Variants in EFEMP1 observed in about 807,000 individuals in gnomAD.
The protein encoded by EFEMP1 is EGF-containing fibulin-like extracellular matrix protein 1.
Under a neutral mutation model 65.7 loss-of-function variants are expected in EFEMP1, and 18 were observed. The ratio of observed to expected loss-of-function variants is 0.27; its 90% CI spans 0.19 to 0.41. The LOEUF is 0.41. Among genes scored for constraint, EFEMP1 ranks in the 10% least tolerant of loss-of-function variants. EFEMP1 has a pLI of 1.00. For synonymous variants in EFEMP1, 237 were observed against 219.7 expected (o/e 1.08, Z -0.70); for missense variants, 469 against 624.8 (o/e 0.75, Z 2.66).
In EFEMP1 at chr2:55,922,255, CCTCAGCAGAGTATA is replaced by C; in HGVS notation, c.81+91_81+104del. On this transcript the variant is annotated intron_variant, in intron 3 of 11. Coordinates refer to ENST00000355426, the MANE Select transcript of EFEMP1 (RefSeq NM_001039348.3). This position sits in a 1 kb window ranked among gnomAD's most constrained non-coding sequence, Gnocchi z 5.5. ...AATGAAGTGTTGTTTAATTTATCAC[CCTCAGCAGAGTATA>C]GCCCAAATACACTGGCAGGGGTGTG... 9.6e-7 allele frequency: 1 copy of C among 1,037,298 alleles called. No homozygotes were observed. The highest frequency in any genetic ancestry group is 1.5e-6 in the Non-Finnish European group (1 of 663,286). The allele number at this position is 1,037,298 out of a possible 1,614,324, so 64.3% of individuals were successfully genotyped here. A position where few individuals can be genotyped will look rare whatever the true frequency, so the allele number is the denominator to read the frequency against.
intron 4 of EFEMP1, 62 bp from the exon 5 acceptor site, chr2:55,918,113 AT>A (rs1213688656): frequency 1.9e-6 from 3 of 1,613,374 alleles, no homozygotes; most frequent in Non-Finnish European, 2.5e-6. Context: ...ACATGTAAAT[AT>A]AATGCTCATG....
Position 55,871,640 on chromosome 2 carries a change from G to A in EFEMP1, c.1001-517C>T, listed in dbSNP as rs1668814196. Among the ~76,000 whole-genome samples, 1 of 152,008 alleles carries A rather than the reference G, an allele frequency of 6.6e-6. No individual in the cohort carries two copies. Among genetic ancestry groups the A allele is most frequent in the Non-Finnish European group, 1.5e-5 (1 of 67,986 alleles). On this transcript the variant is annotated intron_variant, in intron 9 of 11. Coordinates refer to ENST00000355426, the MANE Select transcript of EFEMP1 (RefSeq NM_001039348.3). This position sits in a 1 kb window ranked among gnomAD's most constrained non-coding sequence, Gnocchi z 4.2. ...GGTTAGATGGAGTTTTCATGGCTGG[G>A]GCAGGGAAGGCTTTCCAAGCTGAGA...
At position 55,877,134 on chromosome 2, in the gene EFEMP1, CTG is replaced by C. The variant is rs1353468137; in HGVS notation, c.761-394_761-393del. Among the ~76,000 whole-genome samples the C allele has an allele frequency of 6.6e-6, 1 of 152,120 alleles. No homozygotes were observed. The highest frequency in any genetic ancestry group is 6.6e-5 in the Admixed American group (1 of 15,248). ...AAATAATTGATATAAGACACTTATA[CTG>C]ATATGGTCTCTCAGCATGCTGTACT... On this transcript the variant is annotated intron_variant, in intron 7 of 11. Coordinates refer to ENST00000355426, the MANE Select transcript of EFEMP1 (RefSeq NM_001039348.3). This position sits in a 1 kb window ranked among gnomAD's most constrained non-coding sequence, Gnocchi z 4.5.
At chr2:55,907,824 A>G (rs1036887938) in intron 5 of EFEMP1, among the ~76,000 whole-genome samples, 5 of 152,362 alleles carry the variant, frequency 3.3e-5, no homozygotes, top group Admixed American at 2.0e-4. Context: ...AAGGCTGTTT[A>G]GAGTGAAAAC....
intron 5 of EFEMP1, among the ~76,000 whole-genome samples, chr2:55,909,205 T>G (rs952414132): frequency 2.0e-5 from 3 of 152,190 alleles, no homozygotes; most frequent in Non-Finnish European, 2.9e-5. Flanking sequence ...TAAGTCTGAG[T>G]TCTCCTATGA....
At chr2:55,897,345 G>T (rs1200923679) in intron 5 of EFEMP1, among the ~76,000 whole-genome samples, 1 of 151,912 alleles carries the variant, frequency 6.6e-6, no homozygotes, top group East Asian at 1.9e-4. Flanking sequence ...AACTAACAAA[G>T]CAATATCAAT....
At chr2:55,920,671 T>C (rs1251638141) in intron 3 of EFEMP1, among the ~76,000 whole-genome samples, 1 of 152,256 alleles carries the variant, frequency 6.6e-6, no homozygotes, top group East Asian at 1.9e-4. Flanking sequence ...AGTGTACTAT[T>C]AAGTAAGCCT....
chr2:55,919,171 T>G lies in EFEMP1; in HGVS notation c.82-904A>C, dbSNP rs1670821400. Among the ~76,000 whole-genome samples the G allele has an allele frequency of 6.6e-6, 1 of 152,074 alleles. No homozygotes were observed. The highest frequency in any genetic ancestry group is 2.4e-5 in the African/African-American group (1 of 41,390). On this transcript the variant is annotated intron_variant, in intron 3 of 11. Transcript: ENST00000355426. This position sits in a 1 kb window ranked among gnomAD's most constrained non-coding sequence, Gnocchi z 4.5. ...CTATTGTGACAAAGGCATAAAATTT[T>G]TGAAAAGGGAAGGAGCTGCAAGGAG...
Position 55,867,385 on chromosome 2 carries a change from C to G in EFEMP1, c.1321-151G>C. ...ACTTGGTCCCTTCTTGGTTTCAACT[C>G]TTCTTGGCTCTTATCCCTTGTCTAA... On this transcript the variant is annotated intron_variant, in intron 11 of 11. Transcript: ENST00000355426. The surrounding 1 kb of genome is among the most constrained non-coding windows in gnomAD (Gnocchi z 4.3). The G allele has an allele frequency of 1.3e-6, 1 of 756,794 alleles. No individual in the cohort carries two copies. Among genetic ancestry groups the G allele is most frequent in the East Asian group, 2.8e-5 (1 of 36,274 alleles). 46.9% of individuals were successfully genotyped at this position (756,794 alleles called of 1,614,324 possible).
intron 5 of EFEMP1, among the ~76,000 whole-genome samples, chr2:55,905,876 G>T (rs1311048031): frequency 6.6e-6 from 1 of 152,156 alleles, no homozygotes; most frequent in Non-Finnish European, 1.5e-5. Flanking sequence ...TCCATTTGGT[G>T]TATTAACCTT....
At chr2:55,882,611 T>C (rs1456958181) in intron 5 of EFEMP1, among the ~76,000 whole-genome samples, 1 of 152,190 alleles carries the variant, frequency 6.6e-6, no homozygotes. Context: ...TTTTGCCTTA[T>C]CTGTATCACT....
Position 55,922,567 on chromosome 2 carries a change from CAACTT to C in EFEMP1, c.-7-125_-7-121del, listed in dbSNP as rs989579744. On this transcript the variant is annotated intron_variant, in intron 2 of 11. Transcript: ENST00000355426. The surrounding 1 kb of genome is among the most constrained non-coding windows in gnomAD (Gnocchi z 5.5). ...GGAGAGGCTGAGGCTCCACCATACTCAACTTCCAATCTGCTTTCTCATCTCCCCTC... is the reference window on the plus strand; with the variant it reads ...GGAGAGGCTGAGGCTCCACCATACTCCCAATCTGCTTTCTCATCTCCCCTC... 3.4e-5 allele frequency: 31 copies of C among 905,732 alleles called. No homozygotes were observed. The Admixed American group carries it at 3.8e-4, about 11-fold the overall frequency. The allele number at this position is 905,732 out of a possible 1,614,324, so 56.1% of individuals were successfully genotyped here.
At chr2:55,875,125 GATATAT>G in intron 8 of EFEMP1, 60 bp from the exon 9 acceptor site, 6 of 778,856 alleles carry the variant, frequency 7.7e-6, no homozygotes, top group Non-Finnish European at 1.1e-5. Flanking sequence ...CACTACTTTG[GATATAT>G]ATATATATAT....
In EFEMP1 at chr2:55,870,675, A is replaced by C; in HGVS notation, c.1320+45T>G. On this transcript the variant is annotated intron_variant, in intron 11 of 11. Transcript: ENST00000355426. The surrounding 1 kb of genome is among the most constrained non-coding windows in gnomAD (Gnocchi z 5.8). ...ACAACAACAACAACAACAACAACAAACTCCCATCTTTCTCAATAGTTAAGG... is the reference window on the plus strand; with the variant it reads ...ACAACAACAACAACAACAACAACAACCTCCCATCTTTCTCAATAGTTAAGG... The C allele has an allele frequency of 6.3e-7, 1 of 1,592,986 alleles. No individual in the cohort carries two copies. The highest frequency in any genetic ancestry group is 8.6e-7 in the Non-Finnish European group (1 of 1,163,106).
rs1021762505 is a variant in EFEMP1 at position 55,873,634 on chromosome 2, A to G, written c.1000+1312T>C. On this transcript the variant is annotated intron_variant, in intron 9 of 11. Coordinates refer to ENST00000355426, the MANE Select transcript of EFEMP1 (RefSeq NM_001039348.3). The surrounding 1 kb of genome is among the most constrained non-coding windows in gnomAD (Gnocchi z 4.6). ...CAGTAAGTAAAATCATTGGAATGCAATGTTTTCCCATAATTAACATTTATA... is the reference window on the plus strand; with the variant it reads ...CAGTAAGTAAAATCATTGGAATGCAGTGTTTTCCCATAATTAACATTTATA... 2.0e-5 allele frequency among the ~76,000 whole-genome samples: 3 copies of G among 152,020 alleles called. No homozygotes were observed. The highest frequency in any genetic ancestry group is 3.9e-4 in the East Asian group (2 of 5,192).
intron 5 of EFEMP1, among the ~76,000 whole-genome samples, chr2:55,895,148 A>G (rs1199420886): frequency 6.6e-6 from 1 of 152,168 alleles, no homozygotes; most frequent in Non-Finnish European, 1.5e-5. Flanking sequence ...TGTCCCTGCC[A>G]TCTTCACCTT....
chr2:55,907,675 A>C (rs1670332268), intron 5 of EFEMP1, among the ~76,000 whole-genome samples: 1 of 152,212 alleles, frequency 6.6e-6, no homozygotes, highest in Non-Finnish European at 1.5e-5. Flanking sequence ...CATTGAATAA[A>C]AATTCTTCCC....
rs1668579927 is a variant in EFEMP1, at chr2:55,866,409, T to C, written c.*664A>G. 1 of 152,262 alleles carries C rather than the reference T, an allele frequency of 6.6e-6. No individual in the cohort carries two copies. Among genetic ancestry groups the C allele is most frequent in the Admixed American group, 6.5e-5 (1 of 15,274 alleles). 9.4% of individuals were successfully genotyped at this position (152,262 alleles called of 1,614,324 possible). A position where few individuals can be genotyped will look rare whatever the true frequency, so the allele number is the denominator to read the frequency against. On this transcript the variant is annotated 3_prime_UTR_variant, in exon 12 of 12. Transcript: ENST00000355426. ...CAATAGTATAATTTTCTAGGGGATATCTGGTTCATTTTGGGAATTCTGGAA... is the reference window on the plus strand; with the variant it reads ...CAATAGTATAATTTTCTAGGGGATACCTGGTTCATTTTGGGAATTCTGGAA...
rs1668816935 is a variant in EFEMP1, at chr2:55,871,687, G to GAGGGC, written c.1001-569_1001-565dup. Among the ~76,000 whole-genome samples the GAGGGC allele has an allele frequency of 6.6e-6, 1 of 152,076 alleles. No individual in the cohort carries two copies. The highest frequency in any genetic ancestry group is 2.4e-5 in the African/African-American group (1 of 41,420). ...GAGAAATCAGGAAGCATAAACTATG[G>GAGGGC]AGGGCAGCTTATCATCTCTTTCAGG... On this transcript the variant is annotated intron_variant, in intron 9 of 11. Coordinates refer to ENST00000355426, the MANE Select transcript of EFEMP1 (RefSeq NM_001039348.3). This position sits in a 1 kb window ranked among gnomAD's most constrained non-coding sequence, Gnocchi z 4.2.
Sources: allele counts gnomAD v4.1 joint callset (sites outside exome capture counted in the v4.1 genomes callset), GRCh38; gene constraint gnomAD v4.1.1; non-coding constraint Gnocchi (gnomAD v3.1); transcripts MANE v1.5; gene names NCBI Gene and HGNC (gene_info 2026-07-23, HGNC 2026-07-21).